The following RBM5 variants were observed in gnomAD, a reference collection of about 807,000 sequenced individuals.
RBM5 encodes RNA binding motif protein 5.
Under a neutral mutation model 124.6 loss-of-function variants are expected in RBM5, and 15 were observed. The observed-to-expected ratio is 0.12, with a 90% CI of 0.08 to 0.19. The LOEUF (loss-of-function observed/expected upper bound fraction) is 0.19, where lower values mean the gene tolerates loss of function less well. Among genes scored for constraint, RBM5 ranks in the 10% least tolerant of loss-of-function variants. The probability of loss-of-function intolerance (pLI) is 1.00; values close to 1 mark genes in which losing one functional copy is unlikely to be tolerated. For missense variants in RBM5, 580 were observed against 1,026.5 expected (o/e 0.57, Z 5.94); for synonymous variants, 337 against 361.2 (o/e 0.93, Z 0.76).
intron 18 of RBM5, among the ~76,000 whole-genome samples, 162 bp downstream of exon 18, chr3:50,113,706 A>G (rs375932062): frequency 6.6e-5 from 10 of 152,198 alleles, no homozygotes; most frequent in South Asian, 2.1e-4. Flanking sequence ...TATTGTTACC[A>G]TATCTTGACT....
intron 4 of RBM5, among the ~76,000 whole-genome samples, chr3:50,095,072 C>G (rs2090785811): frequency 6.6e-6 from 1 of 152,076 alleles, no homozygotes; most frequent in South Asian, 2.1e-4. Flanking sequence ...GTGGTGCATA[C>G]CTGTAGTCCC....
intron 14 of RBM5, among the ~76,000 whole-genome samples, chr3:50,108,685 C>T (rs546012714): frequency 4.6e-5 from 7 of 151,664 alleles, no homozygotes; most frequent in East Asian, 3.9e-4. Flanking sequence ...CCAGCCTGGG[C>T]GACAGAGTGA....
chr3:50,089,314 C>A (rs867957171), intron 1 of RBM5, among the ~76,000 whole-genome samples: 2 of 152,230 alleles, frequency 1.3e-5, no homozygotes, highest in Non-Finnish European at 2.9e-5. Flanking sequence ...GCAGTGGAGC[C>A]GTCGCCTGTC....
chr3:50,092,166 G>A lies in RBM5; in HGVS notation c.141G>A (p.Arg47=). 1 of 1,613,934 alleles carries A rather than the reference G, an allele frequency of 6.2e-7. No homozygotes were observed. The highest frequency in any genetic ancestry group is 8.5e-7 in the Non-Finnish European group (1 of 1,180,012). Residue 47 remains arginine, a synonymous_variant, in exon 3 of 25, where the codon AGG becomes AGA. Transcript: ENST00000347869. Reference sequence around the variant, plus strand: ...ACAAAAGATCTAGTGATGATCGGAGGGGTGATAGATATGATGACTACCGAG... The same window carrying A: ...ACAAAAGATCTAGTGATGATCGGAGAGGTGATAGATATGATGACTACCGAG... ...SDYKRSSDDR[R]GDRYDDYRDY...
At chr3:50,116,755 T>C (rs2091260461) in intron 22 of RBM5, 2 of 366,278 alleles carry the variant, frequency 5.5e-6, no homozygotes, top group South Asian at 4.7e-5. Flanking sequence ...CGGGCAACTC[T>C]GCCTTCCTCT....
chr3:50,098,325 CAGTGGTGCAAT>C (rs2090864959), intron 4 of RBM5, among the ~76,000 whole-genome samples: 2 of 152,100 alleles, frequency 1.3e-5, no homozygotes, highest in East Asian at 3.9e-4. Flanking sequence ...GGCTGGAGTG[CAGTGGTGCAAT>C]AGCCCATTGT....
intron 21 of RBM5, 62 bp downstream of exon 21, chr3:50,115,669 C>G (rs1181463027): frequency 6.5e-7 from 1 of 1,534,566 alleles, no homozygotes; most frequent in Non-Finnish European, 8.8e-7. Flanking sequence ...ATTTGAGTGC[C>G]CTAACAGTCC....
intron 17 of RBM5, among the ~76,000 whole-genome samples, chr3:50,112,414 T>TAAAAAAA (rs58011975): frequency 1.0e-4 from 9 of 88,240 alleles, no homozygotes; most frequent in African/African-American, 2.9e-4. Context: ...AGACTCTGTC[T>TAAAAAAA]AAAAAAAAAA....
At chr3:50,090,550 G>C in intron 2 of RBM5, 99 bp downstream of exon 2, 1 of 1,375,348 alleles carries the variant, frequency 7.3e-7, no homozygotes, top group Non-Finnish European at 1.0e-6. Context: ...AGTGTTTTGC[G>C]CCAGGCATTG....
intron 4 of RBM5, among the ~76,000 whole-genome samples, chr3:50,096,590 T>G (rs1273152460): frequency 6.6e-6 from 1 of 152,022 alleles, no homozygotes; most frequent in African/African-American, 2.4e-5. Context: ...GTAAGGAATC[T>G]TCTATTTTTA....
chr3:50,107,222 C>A, intron 11 of RBM5: 1 of 601,776 alleles, frequency 1.7e-6, no homozygotes. Context: ...AACTCTAACA[C>A]GGTAAATTTC....
chr3:50,092,509 C>G (rs914251226), intron 3 of RBM5, among the ~76,000 whole-genome samples: 5 of 149,548 alleles, frequency 3.3e-5, no homozygotes, highest in African/African-American at 1.2e-4. Context: ...TTGCAGTGAG[C>G]TGAGATTGTA....
rs199972536 is a variant in RBM5 at position 50,104,307 on chromosome 3, T to C, written c.627T>C (p.Phe209=). Residue 209 remains phenylalanine (F), a splice_region_variant and synonymous_variant, in exon 8 of 25, where the codon TTT becomes TTC. Transcript: ENST00000347869. The part of the protein sequence containing the change: ...LKCFRCGADK[F]DSEQEVPPGT... ...GCTTCCGATGTGGAGCAGACAAGTT[T>C]GGTAAGACTGGATTCAGCTGTTTGC... 1.2e-6 allele frequency: 2 copies of C among 1,613,758 alleles called. No individual in the cohort carries two copies. Among genetic ancestry groups the C allele is most frequent in the African/African-American group, 2.7e-5 (2 of 74,924 alleles).
intron 15 of RBM5, 149 bp from the exon 16 acceptor site, chr3:50,110,230 T>G (rs2091118110): frequency 3.1e-6 from 2 of 650,690 alleles, no homozygotes; most frequent in Non-Finnish European, 5.3e-6. Context: ...GCAAAAAAGT[T>G]GTCAACATGT....
At chr3:50,109,978 C>T (rs1015158036) in intron 15 of RBM5, among the ~76,000 whole-genome samples, 3 of 151,848 alleles carry the variant, frequency 2.0e-5, no homozygotes, top group African/African-American at 7.3e-5. Context: ...TTTGGGAGGC[C>T]GAGGCGGGTG....
Position 50,113,508 on chromosome 3 carries a change from G to A in RBM5, c.1581G>A (p.Glu527=), listed in dbSNP as rs1425865574. 2 of 1,613,954 alleles carry A rather than the reference G, an allele frequency of 1.2e-6. No homozygotes were observed. Among genetic ancestry groups the A allele is most frequent in the African/African-American group, 1.3e-5 (1 of 74,884 alleles). The part of the protein sequence containing the change: ...SGLPPAKEGK[E]KKEKPKSKTA... ...TGCCTCCTGCAAAAGAGGGGAAAGAGAAGAAGGAGAAACCCAAGAGCAAAA... is the reference window on the plus strand; with the variant it reads ...TGCCTCCTGCAAAAGAGGGGAAAGAAAAGAAGGAGAAACCCAAGAGCAAAA... The change falls in exon 18 of 25, where the codon GAG becomes GAA. Residue 527 remains glutamate, a synonymous_variant. Coordinates refer to ENST00000347869, the MANE Select transcript of RBM5 (RefSeq NM_005778.4).
At position 50,091,848 on chromosome 3, in the gene RBM5, T is replaced by TA. The variant is rs577892666; in HGVS notation, c.18-194dup. ...AGATTTAGCATACATTCCTGAGAAT[T>TA]ATCATTACATTTAGGGATGTAGGTA... On this transcript the variant is annotated intron_variant, in intron 2 of 24. Coordinates refer to ENST00000347869, the MANE Select transcript of RBM5 (RefSeq NM_005778.4). 2.2e-5 allele frequency: 14 copies of TA among 632,350 alleles called. No individual in the cohort carries two copies. In the East Asian group the frequency reaches 3.8e-4, roughly 17 times the overall value. The allele number at this position is 632,350 out of a possible 1,614,324, so 39.2% of individuals were successfully genotyped here. A position where few individuals can be genotyped will look rare whatever the true frequency, so the allele number is the denominator to read the frequency against.
chr3:50,106,000 T>A (rs1054936365), intron 10 of RBM5, among the ~76,000 whole-genome samples: 9 of 152,004 alleles, frequency 5.9e-5, no homozygotes, highest in Non-Finnish European at 1.2e-4. Context: ...TCGCCCAGGC[T>A]GGAGTGCGGT....
At chr3:50,115,703 A>C (rs577173091) in intron 21 of RBM5, 96 bp downstream of exon 21, 1 of 1,414,222 alleles carries the variant, frequency 7.1e-7, no homozygotes, top group South Asian at 1.4e-5. Context: ...AATACCTGCC[A>C]TCTAATGATG....
Sources: allele counts gnomAD v4.1 joint callset (sites outside exome capture counted in the v4.1 genomes callset), GRCh38; gene constraint gnomAD v4.1.1; transcripts MANE v1.5; gene names NCBI Gene and HGNC (gene_info 2026-07-23, HGNC 2026-07-21).